The following ABLIM2 variants were observed in gnomAD, a reference collection of about 807,000 sequenced individuals.
ABLIM2 encodes the protein actin-binding LIM protein 2.
In ABLIM2, 53 loss-of-function variants were observed where a neutral mutation model predicts 97.7. The ratio of observed to expected loss-of-function variants is 0.54; its 90% CI spans 0.44 to 0.68. The LOEUF (loss-of-function observed/expected upper bound fraction) is 0.68. Ranked by LOEUF, ABLIM2 falls within the 30% of genes least tolerant of loss-of-function variation. The pLI, the probability that ABLIM2 is intolerant of heterozygous loss-of-function variation, is 0.00. For missense variants in ABLIM2, 835 were observed against 867.2 expected (o/e 0.96, Z 0.47); for synonymous variants, 361 against 345.8 (o/e 1.04, Z -0.49).
chr4:8,085,732 G>A lies in ABLIM2; in HGVS notation c.454+2437C>T, dbSNP rs1823135832. Among the ~76,000 whole-genome samples the A allele has an allele frequency of 1.3e-5, 2 of 152,160 alleles. No homozygotes were observed. Among genetic ancestry groups the A allele is most frequent in the Admixed American group, 6.5e-5 (1 of 15,280 alleles). ...CCCGTCCACTCACGCGGGTCTGGGG[G>A]GTGCACCCAGCACATTTCACAGGTG... On this transcript the variant is annotated intron_variant, in intron 4 of 20. Coordinates refer to ENST00000447017, the MANE Select transcript of ABLIM2 (RefSeq NM_001130083.2). This position sits in a 1 kb window ranked among gnomAD's most constrained non-coding sequence, Gnocchi z 6.1.
rs1301449382 is a variant in ABLIM2, at chr4:8,044,669, GTC to G, written c.900+493_900+494del. Reference sequence around the variant, plus strand: ...ACACACACACACACACACACACAGAGTCTCTCTCTCTCTCTCTCTCTCGAACG... The same window carrying G: ...ACACACACACACACACACACACAGAGTCTCTCTCTCTCTCTCTCTCGAACG... On this transcript the variant is annotated intron_variant, in intron 9 of 20. Transcript: ENST00000447017. This position sits in a 1 kb window ranked among gnomAD's most constrained non-coding sequence, Gnocchi z 4.4. 1.6e-4 allele frequency among the ~76,000 whole-genome samples: 12 copies of G among 72,758 alleles called. No individual in the cohort carries two copies. The highest frequency in any genetic ancestry group is 2.5e-4 in the Non-Finnish European group (8 of 32,210). 47.7% of individuals were successfully genotyped at this position (72,758 alleles called of 152,430 possible).
In ABLIM2 at chr4:8,058,710, C is replaced by T. The variant is rs564355841; in HGVS notation, c.763+2257G>A. ...CCTCTGAACCCTCTTCTCAATTAGG[C>T]CTCGAACTTTGCCCAGGTCTCCACC... On this transcript the variant is annotated intron_variant, in intron 7 of 20. Coordinates refer to ENST00000447017, the MANE Select transcript of ABLIM2 (RefSeq NM_001130083.2). This position sits in a 1 kb window ranked among gnomAD's most constrained non-coding sequence, Gnocchi z 4.2. Among the ~76,000 whole-genome samples the T allele has an allele frequency of 6.6e-6, 1 of 152,288 alleles. No individual in the cohort carries two copies. The highest frequency in any genetic ancestry group is 1.5e-5 in the Non-Finnish European group (1 of 68,022).
chr4:7,986,651 G>C lies in ABLIM2; in HGVS notation c.1681-1758C>G, dbSNP rs1330801506. On this transcript the variant is annotated intron_variant, in intron 17 of 20. Coordinates refer to ENST00000447017, the MANE Select transcript of ABLIM2 (RefSeq NM_001130083.2). The surrounding 1 kb of genome is among the most constrained non-coding windows in gnomAD (Gnocchi z 4.3). ...TCCACCACTTCACAAAATAATTCTTGCCTTCAGGGGTATTCACAAAGAATT... is the reference window on the plus strand; with the variant it reads ...TCCACCACTTCACAAAATAATTCTTCCCTTCAGGGGTATTCACAAAGAATT... Among the ~76,000 whole-genome samples the C allele has an allele frequency of 6.6e-6, 1 of 152,062 alleles. No individual in the cohort carries two copies. The highest frequency in any genetic ancestry group is 2.4e-5 in the African/African-American group (1 of 41,386).
At position 7,992,354 on chromosome 4, in the gene ABLIM2, A is replaced by G. The variant is rs1578115810; in HGVS notation, c.1680+512T>C. Among the ~76,000 whole-genome samples, 1 of 152,252 alleles carries G rather than the reference A, an allele frequency of 6.6e-6. No individual in the cohort carries two copies. The highest frequency in any genetic ancestry group is 1.9e-4 in the East Asian group (1 of 5,178). ...GGGGCAGCCAAAGAGCCTGACTTCA[A>G]GTTAATCCAATCTCCGTGCAGCCTC... is the stretch of plus-strand genomic sequence containing the variant. On this transcript the variant is annotated intron_variant, in intron 17 of 20. Transcript: ENST00000447017. This position sits in a 1 kb window ranked among gnomAD's most constrained non-coding sequence, Gnocchi z 5.7.
At chr4:8,016,315 A>AT (rs1016726970) in intron 14 of ABLIM2, among the ~76,000 whole-genome samples, 5 of 152,134 alleles carry the variant, frequency 3.3e-5, no homozygotes, top group Admixed American at 2.0e-4. Context: ...AAGTGCTGGG[A>AT]TTACAGGCAT....
intron 6 of ABLIM2, among the ~76,000 whole-genome samples, chr4:8,063,028 T>C (rs1804423378): frequency 6.6e-6 from 1 of 152,208 alleles, no homozygotes; most frequent in Non-Finnish European, 1.5e-5. Flanking sequence ...CATGTCTACA[T>C]GGCACGTCCA....
intron 16 of ABLIM2, among the ~76,000 whole-genome samples, chr4:7,997,676 C>A (rs1023053550): frequency 6.6e-6 from 1 of 152,152 alleles, no homozygotes; most frequent in Non-Finnish European, 1.5e-5. Flanking sequence ...AGACTCCAGG[C>A]CCGGGTCTCC....
At chr4:7,989,659 T>C (rs529758374) in intron 17 of ABLIM2, among the ~76,000 whole-genome samples, 2 of 152,362 alleles carry the variant, frequency 1.3e-5, no homozygotes, top group African/African-American at 2.4e-5. Context: ...GCTTATCCTT[T>C]AAAAGTAGTT....
At chr4:8,055,609 C>T (rs1301939794) in intron 7 of ABLIM2, among the ~76,000 whole-genome samples, 1 of 152,230 alleles carries the variant, frequency 6.6e-6, no homozygotes, top group Non-Finnish European at 1.5e-5. Context: ...CAGGCTAGCA[C>T]ATGGTAGGGG....
intron 4 of ABLIM2, among the ~76,000 whole-genome samples, chr4:8,086,927 G>A (rs1254218963): frequency 6.6e-6 from 1 of 151,816 alleles, no homozygotes; most frequent in Non-Finnish European, 1.5e-5. Context: ...CTCCCGACCC[G>A]GTGGGGCTGT....
chr4:8,036,891 C>A (rs1023574033), intron 9 of ABLIM2, among the ~76,000 whole-genome samples: 1 of 151,810 alleles, frequency 6.6e-6, no homozygotes. Context: ...CAAACACACA[C>A]GCATCCCTTA....
intron 8 of ABLIM2, among the ~76,000 whole-genome samples, chr4:8,049,908 G>A (rs1175219268): frequency 1.3e-5 from 2 of 151,920 alleles, no homozygotes; most frequent in African/African-American, 2.4e-5. Context: ...TTGTATTTTT[G>A]GTAGAGAGCG....
intron 7 of ABLIM2, among the ~76,000 whole-genome samples, chr4:8,056,885 T>C (rs757888872): frequency 8.1e-6 from 1 of 122,788 alleles, no homozygotes; most frequent in Non-Finnish European, 1.5e-5. Context: ...TGAGCCAAGA[T>C]CGCACCACTG....
At chr4:8,145,245 A>G (rs966800838) in intron 1 of ABLIM2, among the ~76,000 whole-genome samples, 20 of 151,368 alleles carry the variant, frequency 1.3e-4, no homozygotes, top group South Asian at 2.1e-4. Context: ...GTGCAGTGGC[A>G]TGATCTCAGC....
chr4:8,044,665 CAG>C lies in ABLIM2; in HGVS notation c.900+497_900+498del, dbSNP rs35123439. ...AGACACACACACACACACACACACA[CAG>C]AGTCTCTCTCTCTCTCTCTCTCTCG... On this transcript the variant is annotated intron_variant, in intron 9 of 20. Transcript: ENST00000447017. The surrounding 1 kb of genome is among the most constrained non-coding windows in gnomAD (Gnocchi z 4.4). 0.39 allele frequency among the ~76,000 whole-genome samples: 44,761 copies of C among 115,568 alleles called. 7,121 individuals are homozygous for C. Among genetic ancestry groups the C allele is most frequent in the Middle Eastern group, 0.51 (92 of 182 alleles). The allele number at this position is 115,568 out of a possible 152,430, so 75.8% of individuals were successfully genotyped here.
At position 7,965,866 on chromosome 4, in the gene ABLIM2, G is replaced by C. The variant is rs527651805; in HGVS notation, c.*1124C>G. 1 of 152,088 alleles carries C rather than the reference G, an allele frequency of 6.6e-6. No homozygotes were observed. Among genetic ancestry groups the C allele is most frequent in the Admixed American group, 6.5e-5 (1 of 15,270 alleles). 9.4% of individuals were successfully genotyped at this position (152,088 alleles called of 1,614,324 possible). On this transcript the variant is annotated 3_prime_UTR_variant, in exon 21 of 21. Transcript: ENST00000447017. ...TTTCAGGGAGCACATCGCTCCTGGG[G>C]CATGTGGGGTTTATGTTTCAGGCTG...
chr4:8,076,895 GGGT>G (rs1285908789), intron 6 of ABLIM2, among the ~76,000 whole-genome samples: 3,825 of 80,526 alleles, frequency 0.048, 925 homozygotes, highest in East Asian at 0.11. Flanking sequence ...CAGGGTGGGG[GGGT>G]CTGTGAACCC....
rs1007619193 is a variant in ABLIM2 at position 8,122,782 on chromosome 4, T to C, written c.11-16145A>G. ...GCTGGGACCTGTCCTCTCTTCACCATTTACGGATGGGCAAACAGAGGTTCC... is the reference window on the plus strand; with the variant it reads ...GCTGGGACCTGTCCTCTCTTCACCACTTACGGATGGGCAAACAGAGGTTCC... On this transcript the variant is annotated intron_variant, in intron 1 of 20. Transcript: ENST00000447017. This position sits in a 1 kb window ranked among gnomAD's most constrained non-coding sequence, Gnocchi z 4.1. Among the ~76,000 whole-genome samples the C allele has an allele frequency of 6.6e-6, 1 of 152,108 alleles. No homozygotes were observed. The highest frequency in any genetic ancestry group is 2.4e-5 in the African/African-American group (1 of 41,394).
intron 8 of ABLIM2, among the ~76,000 whole-genome samples, chr4:8,048,376 C>T (rs1793907956): frequency 6.6e-6 from 1 of 152,222 alleles, no homozygotes; most frequent in Admixed American, 6.5e-5. Context: ...GCTCCAATCC[C>T]CACCGGCTTT....
Sources: gnomAD v4.1 joint callset for allele counts (sites outside exome capture counted in the v4.1 genomes callset) on GRCh38, gnomAD v4.1.1 for gene constraint, Gnocchi (gnomAD v3.1) non-coding constraint, MANE v1.5 for transcripts, NCBI Gene and HGNC (gene_info 2026-07-23, HGNC 2026-07-21) for gene names.